Variants in KLHDC4 observed in about 807,000 individuals in gnomAD.
KLHDC4 encodes kelch domain-containing protein 4.
KLHDC4 carries 90 observed loss-of-function variants against 62.4 expected under a neutral mutation model. The ratio of observed to expected loss-of-function variants is 1.44; its 90% CI spans 1.22 to 1.72. The LOEUF is 1.72. KLHDC4 is among the 40% of genes most tolerant of loss of function. KLHDC4 has a pLI of 0.00. For missense variants in KLHDC4, 1,025 were observed against 699.7 expected, an observed-to-expected ratio of 1.47 and a Z score of -5.25; for synonymous variants, 386 against 284.4, an observed-to-expected ratio of 1.36 and a Z score of -3.59.
chr16:87,765,204 G>C (rs1004279428), intron 1 of KLHDC4: 1 of 455,926 alleles, frequency 2.2e-6, no homozygotes, highest in Non-Finnish European at 4.4e-6. Flanking sequence ...TGCAGACCCC[G>C]GGCTGAGGAC....
In KLHDC4 at chr16:87,709,572, C is replaced by A. The variant is rs138392585; in HGVS notation, c.1140G>T (p.Gly380=). 6.2e-7 allele frequency: 1 copy of A among 1,613,014 alleles called. No homozygotes were observed. Among genetic ancestry groups the A allele is most frequent in the Admixed American group, 1.7e-5 (1 of 60,002 alleles). The change falls in exon 10 of 12, where the codon GGG becomes GGT. Residue 380 remains glycine (G), a synonymous_variant. Coordinates refer to ENST00000270583, the MANE Select transcript of KLHDC4 (RefSeq NM_017566.4). ...RPACGGAGTQ[G]PVQLVKEVVA... ...CCACCTCCTTGACCAGCTGCACAGGCCCCTGGGTGCCAGCTCCCCCACACG... is the reference window on the plus strand; with the variant it reads ...CCACCTCCTTGACCAGCTGCACAGGACCCTGGGTGCCAGCTCCCCCACACG...
Position 87,698,364 on chromosome 16 carries a change from CCTGCTCTGTGCAGCTCTCAGACT to C in KLHDC4, c.*3252_*3274del, listed in dbSNP as rs1178845197. On this transcript the variant is annotated 3_prime_UTR_variant, in exon 1 of 1. Coordinates refer to the KLHDC4 transcript ENST00000446344. ...ACCAGAAGTGAACCAAATAAAGACT[CCTGCTCTGTGCAGCTCTCAGACT>C]CCTGCTCTGTGCAGCTCTCACAAAG... 3.5e-4 allele frequency: 31 copies of C among 88,754 alleles called. No homozygotes were observed. In the African/African-American group the frequency reaches 3.7e-3, roughly 11 times the overall value. The allele number at this position is 88,754 out of a possible 1,614,324, so 5.5% of individuals were successfully genotyped here.
intron 4 of KLHDC4, among the ~76,000 whole-genome samples, chr16:87,754,585 T>G (rs915428879): frequency 2.0e-5 from 3 of 152,218 alleles, no homozygotes; most frequent in Non-Finnish European, 4.4e-5. Context: ...TTCTCTGCAC[T>G]GGAGAGGCAG....
At chr16:87,701,021 T>G (rs2034120559) in exon 1 of KLHDC4, 1 of 204,688 alleles carries the variant, frequency 4.9e-6, no homozygotes, top group Non-Finnish European at 1.0e-5. Context: ...GCCAAGGAGG[T>G]TGCTGGCTCA....
At chr16:87,718,729 T>G (rs556972833) in intron 7 of KLHDC4, among the ~76,000 whole-genome samples, 2 of 143,932 alleles carry the variant, frequency 1.4e-5, no homozygotes, top group South Asian at 2.3e-4. Flanking sequence ...CTGCCCAGCC[T>G]GGGAAGTGAG....
intron 5 of KLHDC4, among the ~76,000 whole-genome samples, chr16:87,733,658 T>A (rs1336543791): frequency 2.2e-4 from 29 of 131,694 alleles, no homozygotes; most frequent in African/African-American, 7.6e-4. Flanking sequence ...TACTTAGGAA[T>A]CCACTCCCTG....
chr16:87,755,098 C>G, intron 4 of KLHDC4, 96 bp downstream of exon 4: 1 of 804,852 alleles, frequency 1.2e-6, no homozygotes, highest in Admixed American at 2.0e-5. Context: ...CCCAGCCCCT[C>G]CGCACCAGCT....
chr16:87,743,670 G>T (rs2042584834), intron 5 of KLHDC4, among the ~76,000 whole-genome samples: 1 of 151,646 alleles, frequency 6.6e-6, no homozygotes, highest in South Asian at 2.1e-4. Flanking sequence ...AACCCAGGAG[G>T]CGGAGCTTGC....
chr16:87,759,128 T>C (rs1488022844), intron 2 of KLHDC4, among the ~76,000 whole-genome samples: 1 of 152,096 alleles, frequency 6.6e-6, no homozygotes, highest in African/African-American at 2.4e-5. Flanking sequence ...GCCGATATCA[T>C]ACCATTGCAC....
At chr16:87,706,142 C>T (rs867203440), downstream of KLHDC4, among the ~76,000 whole-genome samples, 157 of 66,600 alleles carry the variant, frequency 2.4e-3, 3 homozygotes, top group Admixed American at 8.1e-3. Flanking sequence ...GCAGCCCTCG[C>T]GGGGGGGTCA....
At chr16:87,735,161 A>G (rs60026140) in intron 5 of KLHDC4, among the ~76,000 whole-genome samples, 18,319 of 151,790 alleles carry the variant, frequency 0.12, 1,688 homozygotes, top group African/African-American at 0.26. Flanking sequence ...TTAGCCAGGC[A>G]TGGTGGCGGG....
chr16:87,707,746 C>T (rs544138689), downstream of KLHDC4: 163 of 311,142 alleles, frequency 5.2e-4, no homozygotes, highest in African/African-American at 3.1e-3. Flanking sequence ...AGCCCTGGCC[C>T]GGGGCAGAGG....
chr16:87,724,447 G>A (rs1189370333), intron 7 of KLHDC4, among the ~76,000 whole-genome samples: 2 of 152,250 alleles, frequency 1.3e-5, no homozygotes, highest in East Asian at 1.9e-4. Context: ...TACTGGGAGG[G>A]TATTTGTAAT....
intron 1 of KLHDC4, chr16:87,765,001 T>C: frequency 2.5e-6 from 1 of 407,016 alleles, no homozygotes; most frequent in South Asian, 1.8e-5. Flanking sequence ...CCCAGTTCCA[T>C]ACCACTTCAT....
chr16:87,706,885 C>T (rs1306262895), downstream of KLHDC4, among the ~76,000 whole-genome samples: 1 of 152,218 alleles, frequency 6.6e-6, no homozygotes, highest in Non-Finnish European at 1.5e-5. Flanking sequence ...GGGAGGTGCT[C>T]ACAGGGGCTC....
intron 1 of KLHDC4, among the ~76,000 whole-genome samples, chr16:87,764,646 C>CCAAA (rs2046347584): frequency 8.9e-5 from 3 of 33,818 alleles, no homozygotes; most frequent in Non-Finnish European, 1.6e-4. Flanking sequence ...GAAACTCCTT[C>CCAAA]AAAAAAAAAA....
chr16:87,765,832 T>G lies in KLHDC4; in HGVS notation c.59A>C (p.Lys20Thr). The change falls in exon 1 of 12, where the codon AAG becomes ACG. Residue 20 changes from lysine (K) to threonine (T), a missense_variant. Physicochemically the swap from Lys to Thr is moderately conservative, Grantham distance 78. Coordinates refer to ENST00000270583, the MANE Select transcript of KLHDC4 (RefSeq NM_017566.4). Reference sequence around the variant, plus strand: ...GCGCTTAGACACCTTCTTCTCCATCTTGGCGGCCGTCTTCTCCGCGCCGCG... The same window carrying G: ...GCGCTTAGACACCTTCTTCTCCATCGTGGCGGCCGTCTTCTCCGCGCCGCG... The part of the protein sequence containing the change: ...KGRGAEKTAA[K>T]MEKKVSKRSR... 6.4e-7 allele frequency: 1 copy of G among 1,561,076 alleles called. No individual in the cohort carries two copies.
chr16:87,748,208 G>C (rs537474686), intron 5 of KLHDC4, among the ~76,000 whole-genome samples: 5 of 152,206 alleles, frequency 3.3e-5, no homozygotes, highest in Admixed American at 2.6e-4. Flanking sequence ...TCAAGAGGCT[G>C]AGCAGGGTTC....
intron 5 of KLHDC4, among the ~76,000 whole-genome samples, chr16:87,732,458 T>A (rs1348890704): frequency 7.9e-5 from 12 of 152,206 alleles, no homozygotes; most frequent in Admixed American, 7.2e-4. Context: ...TTTTATTGAA[T>A]TTTATTGTAA....
Sources: gnomAD v4.1 joint callset for allele counts (sites outside exome capture counted in the v4.1 genomes callset) on GRCh38, gnomAD v4.1.1 for gene constraint, MANE v1.5 for transcripts, NCBI Gene and HGNC (gene_info 2026-07-23, HGNC 2026-07-21) for gene names.